PAPPA2: variants seen among roughly 807,000 people sequenced by gnomAD.
The protein encoded by PAPPA2 is pappalysin-2.
Under a neutral mutation model 176.4 loss-of-function variants are expected in PAPPA2, and 86 were observed. That is an observed-to-expected ratio of 0.49 (90% confidence interval 0.41 to 0.58). The LOEUF is 0.58. Among genes scored for constraint, PAPPA2 ranks in the 20% least tolerant of loss-of-function variants. PAPPA2 has a pLI of 0.00. For synonymous variants in PAPPA2, 809 were observed against 852.2 expected (o/e 0.95, Z 0.88); for missense variants, 2,073 against 2,256.9 (o/e 0.92, Z 1.65).
chr1:176,637,877 CT>C (rs1487255714), intron 3 of PAPPA2, among the ~76,000 whole-genome samples: 3 of 151,768 alleles, frequency 2.0e-5, no homozygotes, highest in Non-Finnish European at 4.4e-5. Context: ...CTCATTTTTC[CT>C]TTTTTTCCCC....
chr1:176,789,409 G>C (rs1241728747), intron 17 of PAPPA2, among the ~76,000 whole-genome samples: 1 of 151,976 alleles, frequency 6.6e-6, no homozygotes, highest in Non-Finnish European at 1.5e-5. Context: ...TTGTGGGGTG[G>C]GGGGAGTGGG....
At chr1:176,695,686 C>G (rs756790605) in intron 6 of PAPPA2, 52 bp from the exon 7 acceptor site, 1 of 1,598,978 alleles carries the variant, frequency 6.3e-7, no homozygotes, top group Non-Finnish European at 8.6e-7. Context: ...CTTATCCCAA[C>G]TCATCTGATG....
intron 12 of PAPPA2, among the ~76,000 whole-genome samples, chr1:176,734,393 A>AAC (rs34765229): frequency 0.044 from 6,509 of 147,392 alleles, 164 homozygotes; most frequent in South Asian, 0.13. Flanking sequence ...ACCCTTCTGA[A>AAC]ACACACACAC....
chr1:176,608,796 C>A (rs2102674201), intron 3 of PAPPA2, among the ~76,000 whole-genome samples: 1 of 152,260 alleles, frequency 6.6e-6, no homozygotes, highest in Admixed American at 6.5e-5. Flanking sequence ...TGTTTATTTT[C>A]TAGATTCCTC....
At chr1:176,826,545 A>G (rs1292962725) in intron 21 of PAPPA2, among the ~76,000 whole-genome samples, 3 of 152,232 alleles carry the variant, frequency 2.0e-5, no homozygotes, top group Admixed American at 6.5e-5. Flanking sequence ...AGCTGGTCCA[A>G]CAAATCAGGA....
chr1:176,532,170 C>T (rs1649850055), intron 1 of PAPPA2, among the ~76,000 whole-genome samples: 1 of 152,176 alleles, frequency 6.6e-6, no homozygotes. Flanking sequence ...ACCTCCGGTA[C>T]CTTAGGCATA....
At chr1:176,805,437 A>G (rs1665860901) in intron 21 of PAPPA2, among the ~76,000 whole-genome samples, 1 of 152,132 alleles carries the variant, frequency 6.6e-6, no homozygotes, top group Non-Finnish European at 1.5e-5. Context: ...TTTCTTTTTA[A>G]AAAGAGAGAG....
chr1:176,481,675 T>C (rs1411470928), intron 1 of PAPPA2, among the ~76,000 whole-genome samples: 1 of 152,186 alleles, frequency 6.6e-6, no homozygotes, highest in African/African-American at 2.4e-5. Flanking sequence ...CCTCTGATCT[T>C]GGACAAGAAT....
intron 3 of PAPPA2, among the ~76,000 whole-genome samples, chr1:176,628,514 GA>G (rs1230244190): frequency 6.6e-6 from 1 of 152,074 alleles, no homozygotes; most frequent in Non-Finnish European, 1.5e-5. Context: ...AAAATGATGT[GA>G]AAAATATAAT....
intron 3 of PAPPA2, among the ~76,000 whole-genome samples, chr1:176,608,376 T>G (rs984589075): frequency 2.0e-5 from 3 of 152,236 alleles, no homozygotes; most frequent in African/African-American, 4.8e-5. Context: ...GTGTTACTTC[T>G]GACAATTGCC....
intron 1 of PAPPA2, among the ~76,000 whole-genome samples, chr1:176,525,641 A>C (rs138199943): frequency 7.0e-4 from 107 of 152,328 alleles, no homozygotes; most frequent in African/African-American, 2.3e-3. Flanking sequence ...GACAGGTTTG[A>C]AAAACACTAC....
chr1:176,534,259 C>T (rs1649957288), intron 1 of PAPPA2, among the ~76,000 whole-genome samples: 3 of 152,170 alleles, frequency 2.0e-5, no homozygotes. Context: ...ATTGGATTCC[C>T]ATTAGCTCCC....
At chr1:176,737,095 C>T (rs12130081) in intron 12 of PAPPA2, among the ~76,000 whole-genome samples, 27,973 of 151,464 alleles carry the variant, frequency 0.18, 2,652 homozygotes, top group Middle Eastern at 0.25. Context: ...TACAAATTAT[C>T]GAACACTGAA....
At chr1:176,469,283 G>A (rs74700513) in intron 1 of PAPPA2, among the ~76,000 whole-genome samples, 3,398 of 152,212 alleles carry the variant, frequency 0.022, 54 homozygotes, top group Non-Finnish European at 0.034. Context: ...AACAGTTTCT[G>A]ATCACTCTGT....
At chr1:176,587,257 A>G (rs1039262074) in intron 2 of PAPPA2, among the ~76,000 whole-genome samples, 1 of 151,994 alleles carries the variant, frequency 6.6e-6, no homozygotes, top group East Asian at 1.9e-4. Flanking sequence ...CACTCTGATG[A>G]TAGTTTCTTT....
intron 1 of PAPPA2, among the ~76,000 whole-genome samples, chr1:176,546,929 C>T (rs933665166): frequency 2.6e-5 from 4 of 151,984 alleles, no homozygotes; most frequent in Admixed American, 2.6e-4. Context: ...TTTCCAAGGA[C>T]CAAAAATGGT....
chr1:176,665,461 G>T (rs1179449799), intron 3 of PAPPA2, among the ~76,000 whole-genome samples: 1 of 152,200 alleles, frequency 6.6e-6, no homozygotes, highest in Non-Finnish European at 1.5e-5. Flanking sequence ...AAACTCTCAA[G>T]GGCCAGAATG....
At chr1:176,681,475 A>C (rs1358747847) in intron 4 of PAPPA2, among the ~76,000 whole-genome samples, 1 of 152,132 alleles carries the variant, frequency 6.6e-6, no homozygotes, top group Non-Finnish European at 1.5e-5. Context: ...AAAAGAAAAT[A>C]TTTGAATGAT....
In PAPPA2 at chr1:176,683,951, T is replaced by C. The variant is rs181301166; in HGVS notation, c.2138-6186T>C. Reference sequence around the variant, plus strand: ...ATTCCCATTATTTCCCTTTGGTCTCTTTCCTCTTCTTTCAGCTTGGGAGAA... The same window carrying C: ...ATTCCCATTATTTCCCTTTGGTCTCCTTCCTCTTCTTTCAGCTTGGGAGAA... On this transcript the variant is annotated intron_variant, in intron 4 of 22. Coordinates refer to ENST00000367662, the MANE Select transcript of PAPPA2 (RefSeq NM_020318.3). 2.2e-4 allele frequency among the ~76,000 whole-genome samples: 33 copies of C among 152,286 alleles called. No homozygotes were observed. In the East Asian group the frequency reaches 6.2e-3, roughly 29 times the overall value.
Sources: gnomAD v4.1 joint callset for allele counts (sites outside exome capture counted in the v4.1 genomes callset) on GRCh38, gnomAD v4.1.1 for gene constraint, MANE v1.5 for transcripts, NCBI Gene and HGNC (gene_info 2026-07-23, HGNC 2026-07-21) for gene names.